Variants in GNAT2 observed in about 807,000 individuals in gnomAD.
GNAT2 encodes guanine nucleotide-binding protein G(t) subunit alpha-2.
Under a neutral mutation model 40.9 loss-of-function variants are expected in GNAT2, and 32 were observed. The observed-to-expected ratio is 0.78, with a 90% CI of 0.59 to 1.05. The LOEUF (loss-of-function observed/expected upper bound fraction) is 1.05. GNAT2 is among the 50% of genes least tolerant of loss of function. GNAT2 has a pLI of 0.00. For synonymous variants in GNAT2, 141 were observed against 157.2 expected (o/e 0.90, Z 0.77); for missense variants, 355 against 431.5 (o/e 0.82, Z 1.57).
chr1:109,607,139 A>G lies in GNAT2; in HGVS notation c.462-703T>C, dbSNP rs1416284159. 2.6e-5 allele frequency: 4 copies of G among 152,064 alleles called. No homozygotes were observed. In the East Asian group the frequency reaches 7.7e-4, roughly 29 times the overall value. The allele number at this position is 152,064 out of a possible 1,614,324, so 9.4% of individuals were successfully genotyped here. ...TGTTTGAAAGTTACCTTAAAAAAGA[A>G]AAAGTTATTTTTTTTAAAAAAAAAA... On this transcript the variant is annotated intron_variant, in intron 5 of 8. Transcript: ENST00000679935.
At chr1:109,613,231 G>T in intron 1 of GNAT2, 1 of 337,094 alleles carries the variant, frequency 3.0e-6, no homozygotes, top group African/African-American at 2.1e-5. Flanking sequence ...AGGATAGGAT[G>T]CACGACTACT....
At chr1:109,603,587 C>A (rs191468919) in intron 8 of GNAT2, 43 bp from the exon 9 acceptor site, 15 of 1,284,830 alleles carry the variant, frequency 1.2e-5, no homozygotes, top group Non-Finnish European at 1.7e-5. Flanking sequence ...ATAAATGAAC[C>A]CTTGTTAGTT....
Position 109,603,955 on chromosome 1 carries a change from A to C in GNAT2, c.870T>G (p.Tyr290Ter). 6.2e-7 allele frequency: 1 copy of C among 1,604,160 alleles called. No individual in the cohort carries two copies. The highest frequency in any genetic ancestry group is 2.2e-5 in the East Asian group (1 of 44,818). ...TTTCCAGCCCCTGACACTTACCATCATACTCTGGAAAACAAATGCTGAGAT... is the reference window on the plus strand; with the variant it reads ...TTTCCAGCCCCTGACACTTACCATCCTACTCTGGAAAACAAATGCTGAGAT... ...KVHLSICFPE[Y>*]DGNNSYDDAG... Residue 290 changes from tyrosine (Y) to a stop codon, truncating the protein, a stop_gained, in exon 8 of 9, where the codon TAT becomes TAG. Coordinates refer to ENST00000679935, the MANE Select transcript of GNAT2 (RefSeq NM_001377295.2). LOFTEE classifies it high-confidence loss of function.
chr1:109,617,641 G>A (rs553529643), intron 1 of GNAT2: 1 of 152,220 alleles, frequency 6.6e-6, no homozygotes, highest in Non-Finnish European at 1.5e-5. Context: ...ATAGGGGAGG[G>A]TTGTAGAGTG....
chr1:109,603,670 G>T (rs1649504266), intron 8 of GNAT2, 126 bp from the exon 9 acceptor site: 2 of 739,530 alleles, frequency 2.7e-6, no homozygotes, highest in Non-Finnish European at 4.8e-6. Flanking sequence ...GCCTATTTTT[G>T]GAGGGAAGAT....
rs1200387352 is a variant in GNAT2 at position 109,605,997 on chromosome 1, A to C, written c.693T>G (p.Asp231Glu). 6.2e-7 allele frequency: 1 copy of C among 1,613,662 alleles called. No homozygotes were observed. The highest frequency in any genetic ancestry group is 2.2e-5 in the East Asian group (1 of 44,878). ...IIFCAALSAY[D>E]MVLVEDDEVN... ...CTTCGTCATCTTCCACCAGCACCATATCATAGGCACTGAGGGCTGCACAGA... is the reference window on the plus strand; with the variant it reads ...CTTCGTCATCTTCCACCAGCACCATCTCATAGGCACTGAGGGCTGCACAGA... Residue 231 changes from aspartate (D) to glutamate (E), a missense_variant, in exon 7 of 9, where the codon GAT becomes GAG. Asp to Glu is a conservative substitution (Grantham distance 45). Transcript: ENST00000679935.
chr1:109,612,713 G>T, intron 2 of GNAT2, 40 bp downstream of exon 2: 1 of 1,219,272 alleles, frequency 8.2e-7, no homozygotes. Context: ...AAGTAGGAAG[G>T]ACCCCTGCCT....
At chr1:109,607,463 A>AAAAAAAAAAAG (rs796928432) in intron 5 of GNAT2, 21 of 151,750 alleles carry the variant, frequency 1.4e-4, no homozygotes, top group African/African-American at 5.1e-4. Context: ...AAAAAAAAAA[A>AAAAAAAAAAAG]GGCAAGAGGA....
At position 109,604,094 on chromosome 1, in the gene GNAT2, T is replaced by G. The variant is rs1351044480; in HGVS notation, c.731A>C (p.His244Pro). The change falls in exon 8 of 9, where the codon CAT becomes CCT. Residue 244 changes from histidine to proline, a missense_variant. By Grantham distance (77) the His-to-Pro change is moderately conservative. Transcript: ENST00000679935. ...GCTGTTGAACAGATGCAAAGACTCATGCATACGATTCTAGTAAGAGGAAAC... is the reference window on the plus strand; with the variant it reads ...GCTGTTGAACAGATGCAAAGACTCAGGCATACGATTCTAGTAAGAGGAAAC... ...LVEDDEVNRMHESLHLFNSIC... is the reference protein window; with the variant it reads ...LVEDDEVNRMPESLHLFNSIC... 1 of 1,610,552 alleles carries G rather than the reference T, an allele frequency of 6.2e-7. No homozygotes were observed. Among genetic ancestry groups the G allele is most frequent in the Non-Finnish European group, 8.5e-7 (1 of 1,177,122 alleles).
Position 109,605,981 on chromosome 1 carries a change from C to T in GNAT2, c.709G>A (p.Asp237Asn). Residue 237 changes from aspartate to asparagine, a missense_variant, in exon 7 of 9, where the codon GAT (aspartate) becomes AAT (asparagine). Asp to Asn is a conservative substitution (Grantham distance 23). Coordinates refer to ENST00000679935, the MANE Select transcript of GNAT2 (RefSeq NM_001377295.2). The part of the protein sequence containing the change: ...LSAYDMVLVE[D>N]DEVNRMHESL... ...CAAAGGCCACTCACCACTTCGTCAT[C>T]TTCCACCAGCACCATATCATAGGCA... 1 of 1,613,884 alleles carries T rather than the reference C, an allele frequency of 6.2e-7. No individual in the cohort carries two copies. Among genetic ancestry groups the T allele is most frequent in the Non-Finnish European group, 8.5e-7 (1 of 1,179,824 alleles).
At position 109,608,779 on chromosome 1, in the gene GNAT2, GC is replaced by G; in HGVS notation, c.312del (p.Arg105AspfsTer52). On this transcript the variant is annotated frameshift_variant, in exon 5 of 9. Coordinates refer to ENST00000679935, the MANE Select transcript of GNAT2 (RefSeq NM_001377295.2). LOFTEE classifies it high-confidence loss of function. ...GAGTCAGCCAGGTTGTTGAGCTGTC[GC>G]CCGTCATCCTGTAATGCAGAAACCT... ...DYAEPSCADDGRQLNNLADSI... is the reference protein window; with the variant it reads ...DYAEPSCADDXRQLNNLADSI... 6.2e-7 allele frequency: 1 copy of G among 1,613,682 alleles called. No homozygotes were observed. Among genetic ancestry groups the G allele is most frequent in the Non-Finnish European group, 8.5e-7 (1 of 1,179,622 alleles).
rs1237410467 is a variant in GNAT2, at chr1:109,608,742, CCCT to C, written c.347_349del (p.Glu116del). The C allele has an allele frequency of 5.6e-6, 9 of 1,613,184 alleles. No homozygotes were observed. Among genetic ancestry groups the C allele is most frequent in the Admixed American group, 1.7e-5 (1 of 59,996 alleles). ...CTCCACGAGCTCAGGAGGCATGGTTCCCTCCTCAATGGAGTCAGCCAGGTTGTT... is the reference window on the plus strand; with the variant it reads ...CTCCACGAGCTCAGGAGGCATGGTTCCCTCAATGGAGTCAGCCAGGTTGTT... On this transcript the variant is annotated inframe_deletion, in exon 5 of 9. Coordinates refer to ENST00000679935, the MANE Select transcript of GNAT2 (RefSeq NM_001377295.2).
chr1:109,609,837 C>T, intron 4 of GNAT2: 3 of 616,624 alleles, frequency 4.9e-6, no homozygotes, highest in Non-Finnish European at 8.8e-6. Flanking sequence ...GTACCGTCTA[C>T]CTTAAGGTCT....
Position 109,604,015 on chromosome 1 carries a change from C to G in GNAT2, c.810G>C (p.Lys270Asn), listed in dbSNP as rs191211731. 8 of 1,609,232 alleles carry G rather than the reference C, an allele frequency of 5.0e-6. No homozygotes were observed. The highest frequency in any genetic ancestry group is 1.7e-5 in the Admixed American group (1 of 60,010). ...TGATTTTTTCCTCAAAGAGGTCCTT[C>G]TTGTTGAGAAAGAGGACAATGGAAG... ...AATSIVLFLN[K>N]KDLFEEKIKK... The change falls in exon 8 of 9, where the codon AAG (lysine) becomes AAC (asparagine). Residue 270 changes from lysine (K) to asparagine (N), a missense_variant. Coordinates refer to ENST00000679935, the MANE Select transcript of GNAT2 (RefSeq NM_001377295.2).
chr1:109,608,645 AT>A lies in GNAT2; in HGVS notation c.446del (p.Asn149MetfsTer8). On this transcript the variant is annotated frameshift_variant, in exon 5 of 9. Transcript: ENST00000679935. LOFTEE classifies it high-confidence loss of function. ...CFERAAEYQL[N>X]DSASYYLNQL... ...GTCAGTCTTACTAAGATGCGGAGTC[AT>A]TAAGCTGGTATTCTGCAGCTCTCTC... 1 of 1,614,046 alleles carries A rather than the reference AT, an allele frequency of 6.2e-7. No homozygotes were observed. Among genetic ancestry groups the A allele is most frequent in the Non-Finnish European group, 8.5e-7 (1 of 1,179,916 alleles).
intron 1 of GNAT2, chr1:109,615,081 ATTATG>A (rs1649912266): frequency 6.6e-6 from 1 of 152,256 alleles, no homozygotes; most frequent in South Asian, 2.1e-4. Context: ...ATTAATAATT[ATTATG>A]TTATAGTTAT....
chr1:109,612,685 C>T, intron 2 of GNAT2, 68 bp downstream of exon 2: 2 of 965,794 alleles, frequency 2.1e-6, no homozygotes, highest in Non-Finnish European at 3.4e-6. Context: ...TGAGGTAGAA[C>T]CCACCAACCC....
At position 109,603,942 on chromosome 1, in the gene GNAT2, G is replaced by C. The variant is rs556606475; in HGVS notation, c.874+9C>G. 1 of 1,586,242 alleles carries C rather than the reference G, an allele frequency of 6.3e-7. No homozygotes were observed. The highest frequency in any genetic ancestry group is 2.2e-5 in the East Asian group (1 of 44,716). On this transcript the variant is annotated intron_variant, in intron 8 of 8. Coordinates refer to ENST00000679935, the MANE Select transcript of GNAT2 (RefSeq NM_001377295.2). Reference sequence around the variant, plus strand: ...GGCATTATTATTATTTCCAGCCCCTGACACTTACCATCATACTCTGGAAAA... The same window carrying C: ...GGCATTATTATTATTTCCAGCCCCTCACACTTACCATCATACTCTGGAAAA...
At chr1:109,608,947 A>G (rs1649706442) in intron 4 of GNAT2, 159 bp from the exon 5 acceptor site, 3 of 703,390 alleles carry the variant, frequency 4.3e-6, no homozygotes, top group East Asian at 5.4e-5. Context: ...ATACTGTTGA[A>G]TTTTTGAGTA....
Sources: gnomAD v4.1 joint callset for allele counts on GRCh38, gnomAD v4.1.1 for gene constraint, MANE v1.5 for transcripts, NCBI Gene and HGNC (gene_info 2026-07-23, HGNC 2026-07-21) for gene names.